SLC24A3: variants seen among roughly 807,000 people sequenced by gnomAD.
The protein encoded by SLC24A3 is sodium/potassium/calcium exchanger 3.
SLC24A3 carries 28 observed loss-of-function variants against 75.8 expected under a neutral mutation model. The observed-to-expected ratio is 0.37, with a 90% confidence interval of 0.27 to 0.51. The LOEUF is 0.51. Ranked by LOEUF, SLC24A3 falls within the 20% of genes least tolerant of loss-of-function variation. The probability of loss-of-function intolerance (pLI) is 0.94; values close to 1 mark genes in which losing one functional copy is unlikely to be tolerated. For synonymous variants in SLC24A3, 372 were observed against 334.1 expected (o/e 1.11, Z -1.24); for missense variants, 663 against 847.8 (o/e 0.78, Z 2.71).
chr20:19,364,155 T>C (rs1381546457), intron 2 of SLC24A3, among the ~76,000 whole-genome samples: 1 of 152,126 alleles, frequency 6.6e-6, no homozygotes, highest in Non-Finnish European at 1.5e-5. Flanking sequence ...AGGAGATATC[T>C]GGTGTTTGGA....
At chr20:19,387,170 T>C (rs1370361158) in intron 2 of SLC24A3, among the ~76,000 whole-genome samples, 1 of 152,154 alleles carries the variant, frequency 6.6e-6, no homozygotes, top group South Asian at 2.1e-4. Context: ...CCTTAGTATT[T>C]CTGTAGAATC....
chr20:19,687,054 A>C (rs1433144137), intron 12 of SLC24A3, among the ~76,000 whole-genome samples: 3 of 152,220 alleles, frequency 2.0e-5, no homozygotes, highest in Non-Finnish European at 4.4e-5. Flanking sequence ...CATATTTTGC[A>C]GCTCAAAACA....
chr20:19,282,171 G>C (rs759210790), intron 2 of SLC24A3, among the ~76,000 whole-genome samples: 1 of 152,190 alleles, frequency 6.6e-6, no homozygotes, highest in Non-Finnish European at 1.5e-5. Flanking sequence ...GCAGGTCTGC[G>C]ATCTATTGGG....
intron 2 of SLC24A3, among the ~76,000 whole-genome samples, chr20:19,391,639 C>T (rs1028789340): frequency 2.0e-5 from 3 of 152,154 alleles, no homozygotes; most frequent in African/African-American, 7.2e-5. Flanking sequence ...TTTGGAGGCA[C>T]TCTCAAGTGC....
intron 2 of SLC24A3, among the ~76,000 whole-genome samples, chr20:19,368,133 C>T (rs1568601192): frequency 6.6e-6 from 1 of 152,008 alleles, no homozygotes; most frequent in Non-Finnish European, 1.5e-5. Flanking sequence ...CGTGCATGCA[C>T]ATTTAGTTAA....
chr20:19,398,607 G>T (rs892162996), intron 2 of SLC24A3, among the ~76,000 whole-genome samples: 2 of 152,028 alleles, frequency 1.3e-5, no homozygotes, highest in African/African-American at 4.8e-5. Flanking sequence ...CACATAGAGG[G>T]TTATAACATC....
chr20:19,472,773 T>C (rs1600243745), intron 2 of SLC24A3, among the ~76,000 whole-genome samples: 1 of 152,040 alleles, frequency 6.6e-6, no homozygotes, highest in East Asian at 1.9e-4. Flanking sequence ...AATACAGGGG[T>C]GTGCTGTAGT....
At position 19,227,470 on chromosome 20, in the gene SLC24A3, G is replaced by A. The variant is rs138707059; in HGVS notation, c.142+14486G>A. The stretch of plus-strand genomic sequence containing the variant: ...TCTCTTTCCCTTTATTTTTTCATCC[G>A]CCTATTCTTAGATTCAGGCTCTTAG... On this transcript the variant is annotated intron_variant, in intron 1 of 16. Transcript: ENST00000328041. Among the ~76,000 whole-genome samples the A allele has an allele frequency of 5.3e-4, 79 of 150,056 alleles. 2 individuals are homozygous for A. The East Asian group carries it at 0.013, about 25-fold the overall frequency.
chr20:19,413,603 C>T (rs1986781707), intron 2 of SLC24A3, among the ~76,000 whole-genome samples: 1 of 152,130 alleles, frequency 6.6e-6, no homozygotes, highest in African/African-American at 2.4e-5. Flanking sequence ...CAGTAATCAC[C>T]TTTCACTTTC....
intron 2 of SLC24A3, among the ~76,000 whole-genome samples, chr20:19,427,355 C>T (rs1260456740): frequency 1.3e-5 from 2 of 152,076 alleles, no homozygotes; most frequent in African/African-American, 2.4e-5. Flanking sequence ...TTACTTTTGT[C>T]GGGTGAACAA....
intron 2 of SLC24A3, among the ~76,000 whole-genome samples, chr20:19,328,796 A>T (rs796904280): frequency 6.6e-6 from 1 of 152,198 alleles, no homozygotes; most frequent in South Asian, 2.1e-4. Context: ...GGAGATACCA[A>T]GGGGGGACTG....
intron 1 of SLC24A3, among the ~76,000 whole-genome samples, chr20:19,274,687 G>A (rs1437397995): frequency 6.6e-6 from 1 of 152,194 alleles, no homozygotes; most frequent in African/African-American, 2.4e-5. Flanking sequence ...TTCATCCACA[G>A]AGGGTGAGGA....
chr20:19,614,199 G>A (rs947320274), intron 6 of SLC24A3, among the ~76,000 whole-genome samples: 1 of 152,178 alleles, frequency 6.6e-6, no homozygotes, highest in Non-Finnish European at 1.5e-5. Flanking sequence ...CTATCTGTAT[G>A]AAGTTGAGCA....
At chr20:19,601,620 T>C (rs1464800766) in intron 6 of SLC24A3, among the ~76,000 whole-genome samples, 2 of 152,052 alleles carry the variant, frequency 1.3e-5, no homozygotes, top group East Asian at 1.9e-4. Context: ...TAGCCCTTTC[T>C]CAGAACGGTG....
chr20:19,669,484 C>T (rs1600330868), intron 8 of SLC24A3, among the ~76,000 whole-genome samples: 2 of 150,214 alleles, frequency 1.3e-5, no homozygotes, highest in East Asian at 2.0e-4. Context: ...CCTGGGTGAC[C>T]GAGCAAGACT....
chr20:19,265,201 G>A (rs1362974896), intron 1 of SLC24A3, among the ~76,000 whole-genome samples: 1 of 152,184 alleles, frequency 6.6e-6, no homozygotes, highest in Non-Finnish European at 1.5e-5. Flanking sequence ...AGGTATTTTG[G>A]GGGGCTAGGT....
chr20:19,415,637 T>C (rs1986814399), intron 2 of SLC24A3, among the ~76,000 whole-genome samples: 1 of 150,502 alleles, frequency 6.6e-6, no homozygotes, highest in Non-Finnish European at 1.5e-5. Flanking sequence ...TATACCTCAA[T>C]AAAGCTTAAA....
At chr20:19,489,051 C>CT (rs950720333) in intron 2 of SLC24A3, among the ~76,000 whole-genome samples, 47 of 152,312 alleles carry the variant, frequency 3.1e-4, no homozygotes, top group African/African-American at 1.1e-3. Context: ...GTCTTCTTTG[C>CT]TTTTTTCCTT....
chr20:19,707,627 G>T (rs1381370406), intron 15 of SLC24A3, among the ~76,000 whole-genome samples: 1 of 152,198 alleles, frequency 6.6e-6, no homozygotes, highest in South Asian at 2.1e-4. Flanking sequence ...GACAAAAAGA[G>T]ATTCTTTTTA....
Sources: allele counts gnomAD v4.1 joint callset (sites outside exome capture counted in the v4.1 genomes callset), GRCh38; gene constraint gnomAD v4.1.1; transcripts MANE v1.5; gene names NCBI Gene and HGNC (gene_info 2026-07-23, HGNC 2026-07-21).